Variants in MAD2L2 observed in about 807,000 individuals in gnomAD.
MAD2L2 encodes the protein mitotic spindle assembly checkpoint protein MAD2B.
In MAD2L2, 17 loss-of-function variants were observed where a neutral mutation model predicts 30.5. The ratio of observed to expected loss-of-function variants is 0.56; its 90% CI spans 0.38 to 0.84. The LOEUF (loss-of-function observed/expected upper bound fraction) is 0.84, where lower values mean the gene tolerates loss of function less well. Among genes scored for constraint, MAD2L2 ranks in the 40% least tolerant of loss-of-function variants. The pLI, the probability that MAD2L2 is intolerant of heterozygous loss-of-function variation, is 0.00. For synonymous variants in MAD2L2, 101 were observed against 113.9 expected, an observed-to-expected ratio of 0.89 and a Z score of 0.72; for missense variants, 213 against 277.4, an observed-to-expected ratio of 0.77 and a Z score of 1.65.
In MAD2L2 at chr1:11,674,588, C is replaced by T. The variant is rs1048667830; in HGVS notation, c.*187G>A. On this transcript the variant is annotated 3_prime_UTR_variant, in exon 9 of 9. Coordinates refer to ENST00000376692, the MANE Select transcript of MAD2L2 (RefSeq NM_006341.4). This position sits in a 1 kb window ranked among gnomAD's most constrained non-coding sequence, Gnocchi z 6.1. Reference sequence around the variant, plus strand: ...GGAGGCTGAGAAGTCGAGGTTGCGGCATCCCTCACTGCCCTCCTGGGGGAG... The same window carrying T: ...GGAGGCTGAGAAGTCGAGGTTGCGGTATCCCTCACTGCCCTCCTGGGGGAG... 2.2e-5 allele frequency: 13 copies of T among 602,242 alleles called. No homozygotes were observed. In the African/African-American group the frequency reaches 2.2e-4, roughly 10 times the overall value. 37.3% of individuals were successfully genotyped at this position (602,242 alleles called of 1,614,324 possible).
intron 3 of MAD2L2, among the ~76,000 whole-genome samples, chr1:11,679,446 T>C (rs2100710846): frequency 6.6e-6 from 1 of 152,292 alleles, no homozygotes; most frequent in South Asian, 2.1e-4. Flanking sequence ...AGGGAGAAGA[T>C]TTGGAGGTTT....
intron 1 of MAD2L2, 84 bp from the exon 2 acceptor site, chr1:11,680,697 C>T (rs947837154): frequency 6.7e-7 from 1 of 1,489,772 alleles, no homozygotes; most frequent in Admixed American, 2.4e-5. Context: ...CTTCCCTCCC[C>T]ACAGTCTGTG....
chr1:11,681,452 G>C (rs1265096441), upstream of MAD2L2: 3 of 152,304 alleles, frequency 2.0e-5, no homozygotes, highest in East Asian at 5.8e-4. Flanking sequence ...GGGAGGGACG[G>C]GGGAGCGCGC....
chr1:11,686,409 C>A (rs972853927), intron 1 of MAD2L2, among the ~76,000 whole-genome samples: 3 of 152,178 alleles, frequency 2.0e-5, no homozygotes, highest in African/African-American at 7.2e-5. Flanking sequence ...GCTGACCCCT[C>A]AGTGGTCAGG....
intron 6 of MAD2L2, 142 bp from the exon 7 acceptor site, chr1:11,675,873 A>G (rs1455457895): frequency 1.1e-6 from 1 of 898,770 alleles, no homozygotes. Flanking sequence ...GCCCCAGTCA[A>G]TAGGGAGATG....
At chr1:11,682,164 T>C (rs1433105932), upstream of MAD2L2, 6 of 152,228 alleles carry the variant, frequency 3.9e-5, no homozygotes, top group Admixed American at 3.9e-4. Context: ...AAACGTTCTC[T>C]AATTCGCCAA....
chr1:11,684,057 G>A (rs182090776), upstream of MAD2L2, among the ~76,000 whole-genome samples: 340 of 152,226 alleles, frequency 2.2e-3, 2 homozygotes, highest in African/African-American at 7.6e-3. Flanking sequence ...AAGCAGATGG[G>A]GAGGGATTCA....
At chr1:11,682,366 G>A (rs192631647), upstream of MAD2L2, among the ~76,000 whole-genome samples, 1 of 152,300 alleles carries the variant, frequency 6.6e-6, no homozygotes, top group Admixed American at 6.5e-5. Context: ...GTAAGAGCTT[G>A]TTAGTCCCAT....
At chr1:11,689,318 C>T (rs1249612371) in intron 1 of MAD2L2, among the ~76,000 whole-genome samples, 2 of 122,882 alleles carry the variant, frequency 1.6e-5, no homozygotes, top group East Asian at 4.7e-4. Flanking sequence ...AAAAAAAAGG[C>T]TGGGTGCTGT....
At chr1:11,680,861 A>C in intron 1 of MAD2L2, 178 bp downstream of exon 1, 1 of 1,093,442 alleles carries the variant, frequency 9.1e-7, no homozygotes, top group Non-Finnish European at 1.2e-6. Flanking sequence ...GAAAGACCAC[A>C]GCTGTGCCCC....
Position 11,676,114 on chromosome 1 carries a change from T to A in MAD2L2, c.359A>T (p.Glu120Val). The change falls in exon 6 of 9, where the codon GAG becomes GTG. Residue 120 changes from glutamate to valine, a missense_variant. Coordinates refer to ENST00000376692, the MANE Select transcript of MAD2L2 (RefSeq NM_006341.4). ...ISSDSLLSHV[E>V]QLLRAFILKI... The stretch of plus-strand genomic sequence containing the variant: ...CAGGATGAAGGCCCGGAGCAGCTGC[T>A]CCACATGAGACAACAGCGAGTCTGA... 6.2e-7 allele frequency: 1 copy of A among 1,609,014 alleles called. No homozygotes were observed. The highest frequency in any genetic ancestry group is 8.5e-7 in the Non-Finnish European group (1 of 1,176,752).
In MAD2L2 at chr1:11,674,889, C is replaced by G. The variant is rs1265887953; in HGVS notation, c.595-73G>C. 6.4e-7 allele frequency: 1 copy of G among 1,560,330 alleles called. No individual in the cohort carries two copies. The highest frequency in any genetic ancestry group is 1.4e-5 in the African/African-American group (1 of 73,878). On this transcript the variant is annotated intron_variant, in intron 8 of 8. Transcript: ENST00000376692. The surrounding 1 kb of genome is among the most constrained non-coding windows in gnomAD (Gnocchi z 6.1). ...TCCCTGCTGGAGGACACAGAAGCCCCTGGTGGGCAGACCTCCACCACAGGT... is the reference window on the plus strand; with the variant it reads ...TCCCTGCTGGAGGACACAGAAGCCCGTGGTGGGCAGACCTCCACCACAGGT...
At position 11,690,368 on chromosome 1, in the gene MAD2L2, G is replaced by A. The variant is rs149972462; in HGVS notation, c.-692+1045C>T. Among the ~76,000 whole-genome samples, 1,779 of 152,184 alleles carry A rather than the reference G, an allele frequency of 0.012. 15 individuals are homozygous for A. The highest frequency in any genetic ancestry group is 0.032 in the South Asian group (154 of 4,816). On this transcript the variant is annotated intron_variant, in intron 1 of 10. Transcript: ENST00000235310. The surrounding 1 kb of genome is among the most constrained non-coding windows in gnomAD (Gnocchi z 4.2). Reference sequence around the variant, plus strand: ...GTGCCCACCAAGCTAATAATATCACGGTAACAATGGCAGCTAATTTTACAG... The same window carrying A: ...GTGCCCACCAAGCTAATAATATCACAGTAACAATGGCAGCTAATTTTACAG...
At chr1:11,680,521 A>G in intron 2 of MAD2L2, 41 bp downstream of exon 2, 1 of 1,610,282 alleles carries the variant, frequency 6.2e-7, no homozygotes, top group South Asian at 1.1e-5. Context: ...CCGCCGGCCC[A>G]GACGCCCCCG....
At chr1:11,676,784 G>T in intron 5 of MAD2L2, 64 bp downstream of exon 5, 1 of 1,294,214 alleles carries the variant, frequency 7.7e-7, no homozygotes, top group Non-Finnish European at 1.1e-6. Context: ...GCCTTAAAGG[G>T]GTGGGTGTGT....
chr1:11,685,448 G>A (rs540046803), upstream of MAD2L2, among the ~76,000 whole-genome samples: 1 of 152,246 alleles, frequency 6.6e-6, no homozygotes, highest in East Asian at 1.9e-4. Context: ...AAGGGCTGTG[G>A]CATGTTCCCT....
chr1:11,679,839 ACT>A (rs1640836134), intron 3 of MAD2L2, among the ~76,000 whole-genome samples: 1 of 148,954 alleles, frequency 6.7e-6, no homozygotes, highest in Admixed American at 6.7e-5. Context: ...CCCCGGGGTA[ACT>A]CTTATCAGGC....
chr1:11,682,773 G>A (rs1021408293), upstream of MAD2L2, among the ~76,000 whole-genome samples: 4 of 152,092 alleles, frequency 2.6e-5, no homozygotes, highest in South Asian at 2.1e-4. Flanking sequence ...GTAAAAATGC[G>A]ATGCATTTTG....
chr1:11,684,922 C>G (rs1218769149), upstream of MAD2L2, among the ~76,000 whole-genome samples: 10 of 102,376 alleles, frequency 9.8e-5, no homozygotes, highest in East Asian at 2.7e-3. Flanking sequence ...TTCTCTCTCT[C>G]TCTCTCTTTT....
Sources: gnomAD v4.1 joint callset for allele counts (sites outside exome capture counted in the v4.1 genomes callset) on GRCh38, gnomAD v4.1.1 for gene constraint, Gnocchi (gnomAD v3.1) non-coding constraint, MANE v1.5 for transcripts, NCBI Gene and HGNC (gene_info 2026-07-23, HGNC 2026-07-21) for gene names.